PIEZO2: variants seen among roughly 807,000 people sequenced by gnomAD.
PIEZO2 encodes piezo type mechanosensitive ion channel component 2.
PIEZO2 carries 172 observed loss-of-function variants against 337.3 expected under a neutral mutation model. The ratio of observed to expected loss-of-function variants is 0.51; its 90% CI spans 0.45 to 0.58. PIEZO2 has a LOEUF of 0.58. PIEZO2 is among the 20% of genes least tolerant of loss of function. The pLI is 0.00. For missense variants in PIEZO2, 3,028 were observed against 3,391.3 expected (o/e 0.89, Z 2.66); for synonymous variants, 1,251 against 1,228.5 (o/e 1.02, Z -0.38).
chr18:11,086,243 G>A (rs980944090), intron 1 of PIEZO2, among the ~76,000 whole-genome samples: 2 of 152,060 alleles, frequency 1.3e-5, no homozygotes, highest in Admixed American at 6.5e-5. Flanking sequence ...AAACAGGGCC[G>A]GGCGCAGTGG....
intron 4 of PIEZO2, among the ~76,000 whole-genome samples, chr18:10,881,931 ACT>A (rs2042431671): frequency 6.6e-6 from 1 of 151,670 alleles, no homozygotes; most frequent in Non-Finnish European, 1.5e-5. Flanking sequence ...CTAAACTGAC[ACT>A]CTTTCTTCCA....
intron 31 of PIEZO2, among the ~76,000 whole-genome samples, chr18:10,743,724 A>G (rs16975339): frequency 0.14 from 21,186 of 152,234 alleles, 1,812 homozygotes; most frequent in South Asian, 0.24. Flanking sequence ...TGCTTATATC[A>G]AGTACTTGGC....
rs1373713596 is a variant in PIEZO2 at position 11,111,137 on chromosome 18, G to A, written c.64+37388C>T. 6.6e-6 allele frequency among the ~76,000 whole-genome samples: 1 copy of A among 152,156 alleles called. No homozygotes were observed. Among genetic ancestry groups the A allele is most frequent in the Non-Finnish European group, 1.5e-5 (1 of 68,024 alleles). On this transcript the variant is annotated intron_variant, in intron 1 of 55. Transcript: ENST00000674853. This position sits in a 1 kb window ranked among gnomAD's most constrained non-coding sequence, Gnocchi z 6.2. Reference sequence around the variant, plus strand: ...AGATGCTTCTTCAGGCCCAGGAGCAGGAGCACTGGGGCTGCCAGCTGCCAC... The same window carrying A: ...AGATGCTTCTTCAGGCCCAGGAGCAAGAGCACTGGGGCTGCCAGCTGCCAC...
At chr18:10,786,992 C>G (rs2039245653) in intron 16 of PIEZO2, 44 bp downstream of exon 16, 2 of 1,486,422 alleles carry the variant, frequency 1.3e-6, no homozygotes, top group East Asian at 4.9e-5. Context: ...AATATGCATT[C>G]AAGTCTTCAT....
chr18:10,840,004 A>T (rs554683530), intron 7 of PIEZO2, among the ~76,000 whole-genome samples: 23 of 152,310 alleles, frequency 1.5e-4, no homozygotes, highest in African/African-American at 5.5e-4. Context: ...TTGGGAGGAT[A>T]AAGTCTTAAC....
intron 1 of PIEZO2, among the ~76,000 whole-genome samples, chr18:11,134,582 T>C (rs191999571): frequency 1.3e-5 from 2 of 152,272 alleles, no homozygotes; most frequent in Non-Finnish European, 2.9e-5. Context: ...AATTTTTCAA[T>C]GTGTGCTCCC....
rs531376398 is a variant in PIEZO2, at chr18:11,114,431, C to T, written c.64+34094G>A. Among the ~76,000 whole-genome samples, 149 of 152,216 alleles carry T rather than the reference C, an allele frequency of 9.8e-4. 1 individual carries two copies. Among genetic ancestry groups the T allele is most frequent in the African/African-American group, 3.5e-3 (146 of 41,532 alleles). Reference sequence around the variant, plus strand: ...CTGTAATCCCAGCACTTTGGGAGGCCGAGGCAGGAGGATCACTTGAGGTCA... The same window carrying T: ...CTGTAATCCCAGCACTTTGGGAGGCTGAGGCAGGAGGATCACTTGAGGTCA... On this transcript the variant is annotated intron_variant, in intron 1 of 55. Coordinates refer to ENST00000674853, the MANE Select transcript of PIEZO2 (RefSeq NM_001378183.1).
At position 11,110,407 on chromosome 18, in the gene PIEZO2, C is replaced by G. The variant is rs1219768839; in HGVS notation, c.64+38118G>C. Among the ~76,000 whole-genome samples the G allele has an allele frequency of 6.6e-6, 1 of 152,230 alleles. No homozygotes were observed. The highest frequency in any genetic ancestry group is 1.5e-5 in the Non-Finnish European group (1 of 68,048). ...CCCACCCTGGGAGTTGGGCCTCCCC[C>G]GCATTCTGGCTGACAGGGCTTCAGC... On this transcript the variant is annotated intron_variant, in intron 1 of 55. Transcript: ENST00000674853. The surrounding 1 kb of genome is among the most constrained non-coding windows in gnomAD (Gnocchi z 4.2).
At position 10,833,707 on chromosome 18, in the gene PIEZO2, A is replaced by G. The variant is rs1237125818; in HGVS notation, c.917+21646T>C. 2.6e-5 allele frequency among the ~76,000 whole-genome samples: 4 copies of G among 152,116 alleles called. No individual in the cohort carries two copies. The highest frequency in any genetic ancestry group is 5.9e-5 in the Non-Finnish European group (4 of 68,024). On this transcript the variant is annotated intron_variant, in intron 7 of 55. Coordinates refer to ENST00000674853, the MANE Select transcript of PIEZO2 (RefSeq NM_001378183.1). The surrounding 1 kb of genome is among the most constrained non-coding windows in gnomAD (Gnocchi z 4.7). ...CTCAGCTTCTCATATCTCTCTGGAG[A>G]GACACTTTCTTCTTTCTAGTCAGCT...
intron 3 of PIEZO2, among the ~76,000 whole-genome samples, chr18:10,915,362 G>A (rs1422049935): frequency 2.7e-5 from 4 of 148,162 alleles, no homozygotes; most frequent in East Asian, 2.0e-4. Context: ...TTACAGGGAA[G>A]AAAAAATAAC....
chr18:11,084,918 G>A (rs556653387), intron 1 of PIEZO2, among the ~76,000 whole-genome samples: 4 of 152,150 alleles, frequency 2.6e-5, no homozygotes, highest in Non-Finnish European at 5.9e-5. Flanking sequence ...CATATCAGCT[G>A]TCCTTATGTC....
In PIEZO2 at chr18:10,714,814, T is replaced by C; in HGVS notation, c.5373A>G (p.Ala1791=). The C allele has an allele frequency of 6.5e-7, 1 of 1,537,264 alleles. No individual in the cohort carries two copies. The change falls in exon 39 of 56, where the codon GCA becomes GCG. Residue 1791 remains alanine, a synonymous_variant. Coordinates refer to ENST00000674853, the MANE Select transcript of PIEZO2 (RefSeq NM_001378183.1). ...AACTATCCATCCTGTGGGCTGTCTG[T>C]GCACCTGAAGCAGCTCCGGGATGCT... ...IDEHPGAASG[A]QTAHRMDSLD...
rs1200352258 is a variant in PIEZO2 at position 10,878,542 on chromosome 18, T to C, written c.330-7127A>G. On this transcript the variant is annotated intron_variant, in intron 4 of 55. Transcript: ENST00000674853. The surrounding 1 kb of genome is among the most constrained non-coding windows in gnomAD (Gnocchi z 4.3). ...ACTCATTAAAACATATGTTCATAGT[T>C]ATTAAATAAATGTGTTGGAGAAAAT... is the stretch of plus-strand genomic sequence containing the variant. 6.6e-6 allele frequency among the ~76,000 whole-genome samples: 1 copy of C among 152,228 alleles called. No homozygotes were observed. Among genetic ancestry groups the C allele is most frequent in the Non-Finnish European group, 1.5e-5 (1 of 68,044 alleles).
chr18:10,818,127 T>C (rs2040418234), intron 7 of PIEZO2, among the ~76,000 whole-genome samples: 1 of 152,234 alleles, frequency 6.6e-6, no homozygotes. Context: ...AACAAGGAGA[T>C]AGAAATCACA....
Position 10,795,200 on chromosome 18 carries a change from T to C in PIEZO2, c.1528-198A>G, listed in dbSNP as rs1002563473. ...GGCAGGAGGTTTTAAAGCTTTAACA[T>C]TGTAGCTCCATTAACACAGCAGAAT... On this transcript the variant is annotated intron_variant, in intron 12 of 55. Transcript: ENST00000674853. The surrounding 1 kb of genome is among the most constrained non-coding windows in gnomAD (Gnocchi z 4.4). Among the ~76,000 whole-genome samples, 8 of 152,174 alleles carry C rather than the reference T, an allele frequency of 5.3e-5. No individual in the cohort carries two copies. The highest frequency in any genetic ancestry group is 2.1e-4 in the South Asian group (1 of 4,824).
At chr18:10,892,805 C>T (rs2042794142) in intron 4 of PIEZO2, among the ~76,000 whole-genome samples, 1 of 152,110 alleles carries the variant, frequency 6.6e-6, no homozygotes. Flanking sequence ...GAAATCACCA[C>T]CAAAATCTAA....
chr18:10,794,819 C>T lies in PIEZO2; in HGVS notation c.1711G>A (p.Val571Ile), dbSNP rs1370154052. Residue 571 changes from valine to isoleucine, a missense_variant, in exon 13 of 56, where the codon GTT becomes ATT. Physicochemically the swap from Val to Ile is conservative, Grantham distance 29. Coordinates refer to ENST00000674853, the MANE Select transcript of PIEZO2 (RefSeq NM_001378183.1). The surrounding 1 kb of genome is among the most constrained non-coding windows in gnomAD (Gnocchi z 6.6). Reference protein sequence around the residue: ...WSFELPEIKKVPGFLEKKEPG... With the variant: ...WSFELPEIKKIPGFLEKKEPG... ...TCTTTCTTTTCTAAAAATCCTGGAA[C>T]TTTTTTAATTTCAGGAAGTTCAAAA... The T allele has an allele frequency of 5.9e-6, 9 of 1,536,024 alleles. No homozygotes were observed. Among genetic ancestry groups the T allele is most frequent in the South Asian group, 1.2e-5 (1 of 83,816 alleles).
chr18:10,859,879 G>A lies in PIEZO2; in HGVS notation c.493-2668C>T, dbSNP rs576302346. Among the ~76,000 whole-genome samples the A allele has an allele frequency of 2.0e-4, 31 of 152,254 alleles. No homozygotes were observed. The South Asian group carries it at 3.9e-3, about 19-fold the overall frequency. ...GTGGCTGTGCTGGAGGAGAGGGGAG[G>A]GAGTGGTGGGGCTGAAGTGAAGATC... On this transcript the variant is annotated intron_variant, in intron 5 of 55. Transcript: ENST00000674853. The surrounding 1 kb of genome is among the most constrained non-coding windows in gnomAD (Gnocchi z 4.9).
At position 10,691,397 on chromosome 18, in the gene PIEZO2, G is replaced by T; in HGVS notation, c.7191-14C>A. 1.9e-6 allele frequency: 3 copies of T among 1,608,564 alleles called. No homozygotes were observed. Among genetic ancestry groups the T allele is most frequent in the Non-Finnish European group, 2.5e-6 (3 of 1,176,884 alleles). On this transcript the variant is annotated splice_polypyrimidine_tract_variant and intron_variant, in intron 47 of 55. Transcript: ENST00000674853. ...TGGCTGAATTTCCTAAAATGTAAAA[G>T]TACAGAAAGTGAAGCAATGAAATAC...
Sources: gnomAD v4.1 joint callset for allele counts (sites outside exome capture counted in the v4.1 genomes callset) on GRCh38, gnomAD v4.1.1 for gene constraint, Gnocchi (gnomAD v3.1) non-coding constraint, MANE v1.5 for transcripts, NCBI Gene and HGNC (gene_info 2026-07-23, HGNC 2026-07-21) for gene names.